The following ZNF362 variants were observed in gnomAD, a reference collection of about 807,000 sequenced individuals.
ZNF362 encodes the protein rotund homolog.
Under a neutral mutation model 42.9 loss-of-function variants are expected in ZNF362, and 11 were observed. The observed-to-expected ratio is 0.26, with a 90% CI of 0.16 to 0.42. The LOEUF is 0.42. Among genes scored for constraint, ZNF362 ranks in the 20% least tolerant of loss-of-function variants. The pLI, the probability that ZNF362 is intolerant of heterozygous loss-of-function variation, is 1.00. For missense variants in ZNF362, 362 were observed against 576.2 expected, an observed-to-expected ratio of 0.63 and a Z score of 3.81; for synonymous variants, 255 against 257.3, an observed-to-expected ratio of 0.99 and a Z score of 0.09.
Position 33,280,110 on chromosome 1 carries a change from A to C in ZNF362, c.350-14A>C. ...GCTCCGCTCACCCCTGCCCCCACCC[A>C]CCTGTCTTCGCAGGTCTGGGGCTGT... On this transcript the variant is annotated splice_polypyrimidine_tract_variant and intron_variant, in intron 4 of 8. Coordinates refer to ENST00000539719, the MANE Select transcript of ZNF362 (RefSeq NM_152493.3). This position sits in a 1 kb window ranked among gnomAD's most constrained non-coding sequence, Gnocchi z 5.6. The C allele has an allele frequency of 1.9e-6, 3 of 1,547,850 alleles. No homozygotes were observed. Among genetic ancestry groups the C allele is most frequent in the Non-Finnish European group, 2.6e-6 (3 of 1,141,326 alleles).
chr1:33,138,069 C>T, the ZNF362 span, among the ~76,000 whole-genome samples: 6 of 152,118 alleles, frequency 3.9e-5, no homozygotes, highest in South Asian at 2.1e-4. Context: ...GATTTCAGCT[C>T]AGGGGAGGTG....
chr1:33,189,709 G>GTGTATATATA, the ZNF362 span, among the ~76,000 whole-genome samples: 10 of 12,452 alleles, frequency 8.0e-4, 2 homozygotes, highest in Non-Finnish European at 2.7e-4. Flanking sequence ...ACATATATAC[G>GTGTATATATA]TATATATATA....
At chr1:33,243,513 G>T in the ZNF362 span, among the ~76,000 whole-genome samples, 1 of 152,002 alleles carries the variant, frequency 6.6e-6, no homozygotes, top group Non-Finnish European at 1.5e-5. Flanking sequence ...AAAGTGTTTG[G>T]AGGGAATACA....
the ZNF362 span, among the ~76,000 whole-genome samples, chr1:33,232,408 G>A: frequency 2.6e-5 from 4 of 152,086 alleles, no homozygotes; most frequent in African/African-American, 9.7e-5. Flanking sequence ...ACAGGCTCAC[G>A]CCACCATGCC....
the ZNF362 span, among the ~76,000 whole-genome samples, chr1:33,232,452 CG>C: frequency 6.6e-6 from 1 of 152,068 alleles, no homozygotes; most frequent in Non-Finnish European, 1.5e-5. Context: ...TTAGCAGAGA[CG>C]GGGCTTCACC....
At chr1:33,295,649 C>A (rs1646117817) in intron 8 of ZNF362, among the ~76,000 whole-genome samples, 1 of 152,170 alleles carries the variant, frequency 6.6e-6, no homozygotes, top group Non-Finnish European at 1.5e-5. Flanking sequence ...AAGCTGCAAC[C>A]CCCATTGTGG....
chr1:33,193,725 C>T, the ZNF362 span, among the ~76,000 whole-genome samples: 2 of 152,204 alleles, frequency 1.3e-5, no homozygotes, highest in African/African-American at 4.8e-5. Flanking sequence ...AGAACAAATA[C>T]CGCCTGTTAG....
the ZNF362 span, among the ~76,000 whole-genome samples, chr1:33,247,152 T>C: frequency 6.6e-6 from 1 of 152,234 alleles, no homozygotes; most frequent in Non-Finnish European, 1.5e-5. Context: ...TAACCCATTT[T>C]TTTCTGTTTA....
intron 4 of ZNF362, among the ~76,000 whole-genome samples, chr1:33,277,845 A>G (rs1645963108): frequency 6.6e-6 from 1 of 152,126 alleles, no homozygotes; most frequent in Non-Finnish European, 1.5e-5. Context: ...GGATAATGTC[A>G]AGGGGCTGGA....
At chr1:33,242,672 A>G in the ZNF362 span, among the ~76,000 whole-genome samples, 100,425 of 151,970 alleles carry the variant, frequency 0.66, 33,774 homozygotes, top group Middle Eastern at 0.72. Context: ...GAAGCGATGG[A>G]GGTGGGTTGA....
At chr1:33,131,209 A>G in the ZNF362 span, among the ~76,000 whole-genome samples, 1 of 152,238 alleles carries the variant, frequency 6.6e-6, no homozygotes. Flanking sequence ...GTCAAAGTGT[A>G]TGGTATACCA....
the ZNF362 span, among the ~76,000 whole-genome samples, chr1:33,247,038 G>A: frequency 9.8e-5 from 15 of 152,286 alleles, no homozygotes; most frequent in South Asian, 3.1e-3. Context: ...CGATGTCCTG[G>A]TCTCTGGTTT....
chr1:33,254,600 G>T (rs1466620256), upstream of ZNF362, among the ~76,000 whole-genome samples: 1 of 152,158 alleles, frequency 6.6e-6, no homozygotes, highest in Admixed American at 6.5e-5. Context: ...GACCACAAAG[G>T]TAAAGTGTCA....
the ZNF362 span, among the ~76,000 whole-genome samples, chr1:33,196,567 T>G: frequency 6.6e-6 from 1 of 152,312 alleles, no homozygotes; most frequent in Non-Finnish European, 1.5e-5. Context: ...CAATGTCTTC[T>G]TCTGGAATAC....
the ZNF362 span, among the ~76,000 whole-genome samples, chr1:33,152,780 C>A: frequency 6.6e-6 from 1 of 152,074 alleles, no homozygotes; most frequent in East Asian, 1.9e-4. Flanking sequence ...GAGTGCATTG[C>A]TCTGGGTCAC....
the ZNF362 span, among the ~76,000 whole-genome samples, chr1:33,135,637 T>C: frequency 1.3e-5 from 2 of 152,182 alleles, no homozygotes; most frequent in African/African-American, 4.8e-5. Flanking sequence ...AAACATGCTG[T>C]TCCTCCTTCC....
At chr1:33,199,544 AAG>A in the ZNF362 span, among the ~76,000 whole-genome samples, 17 of 152,232 alleles carry the variant, frequency 1.1e-4, no homozygotes, top group Non-Finnish European at 2.1e-4. Flanking sequence ...TTCAAGCAGA[AAG>A]AAAATGATAC....
the ZNF362 span, among the ~76,000 whole-genome samples, chr1:33,201,151 A>G: frequency 2.0e-5 from 3 of 152,208 alleles, no homozygotes; most frequent in African/African-American, 7.2e-5. Context: ...GCAAAAACTG[A>G]TAGAACGAAC....
the ZNF362 span, among the ~76,000 whole-genome samples, chr1:33,177,038 TGCACACACACAC>T: frequency 6.5e-4 from 39 of 60,438 alleles, no homozygotes; most frequent in South Asian, 7.8e-3. This position sits in a 1 kb window ranked among gnomAD's most constrained non-coding sequence, Gnocchi z 4.1. Flanking sequence ...CACATACACA[TGCACACACACAC>T]GCACACACAC....
Sources: gnomAD v4.1 joint callset for allele counts (sites outside exome capture counted in the v4.1 genomes callset) on GRCh38, gnomAD v4.1.1 for gene constraint, Gnocchi (gnomAD v3.1) non-coding constraint, MANE v1.5 for transcripts, NCBI Gene and HGNC (gene_info 2026-07-23, HGNC 2026-07-21) for gene names.